Variants in MAMDC4 observed in about 807,000 individuals in gnomAD.
MAMDC4 encodes the protein MAM domain containing 4.
In MAMDC4, 168 loss-of-function variants were observed where a neutral mutation model predicts 153.3. The ratio of observed to expected loss-of-function variants is 1.10; its 90% CI spans 0.97 to 1.25. MAMDC4 has a LOEUF of 1.25. MAMDC4 is among the 50% of genes most tolerant of loss of function. The pLI is 0.00. For synonymous variants in MAMDC4, 744 were observed against 651.5 expected, an observed-to-expected ratio of 1.14 and a Z score of -2.16; for missense variants, 1,701 against 1,542.8, an observed-to-expected ratio of 1.10 and a Z score of -1.72.
At chr9:136,859,783 C>A in intron 25 of MAMDC4, 103 bp from the exon 26 acceptor site, 3 of 1,265,626 alleles carry the variant, frequency 2.4e-6, no homozygotes, top group South Asian at 1.3e-5. Context: ...GGGTGAACCC[C>A]AGGAGCCAGC....
At chr9:136,857,138 A>G (rs752612075) in intron 16 of MAMDC4, 27 bp from the exon 17 acceptor site, 2 of 1,609,438 alleles carry the variant, frequency 1.2e-6, no homozygotes, top group Admixed American at 1.7e-5. Context: ...GAGAGAGGTC[A>G]GTTATGGACT....
chr9:136,860,504 A>T, intron 26 of MAMDC4, 58 bp from the exon 27 acceptor site: 5 of 1,554,986 alleles, frequency 3.2e-6, no homozygotes, highest in Non-Finnish European at 4.3e-6. Context: ...CTGGTTGACA[A>T]GAGCGAAACT....
chr9:136,855,985 G>A (rs1053347796), intron 13 of MAMDC4, 33 bp from the exon 14 acceptor site: 1 of 1,593,634 alleles, frequency 6.3e-7, no homozygotes, highest in Non-Finnish European at 8.6e-7. Context: ...CCCTGGAAGG[G>A]ATGAGGCTCT....
chr9:136,855,021 G>T lies in MAMDC4; in HGVS notation c.1108G>T (p.Ala370Ser). ...LQTLGPGAPR[A>S]PVLLRRRRGE... ...GACTCTGGGGCCCGGCGCCCCCCGGGCCCCCGTCCTGCTGCGGAGGCGCCG... is the reference window on the plus strand; with the variant it reads ...GACTCTGGGGCCCGGCGCCCCCCGGTCCCCCGTCCTGCTGCGGAGGCGCCG... Residue 370 changes from alanine (A) to serine (S), a missense_variant, in exon 10 of 27, where the codon GCC becomes TCC. Transcript: ENST00000317446. 6.3e-7 allele frequency: 1 copy of T among 1,598,248 alleles called. No homozygotes were observed. Among genetic ancestry groups the T allele is most frequent in the South Asian group, 1.1e-5 (1 of 89,522 alleles).
At chr9:136,855,388 C>T (rs1352694467) in intron 11 of MAMDC4, 43 bp from the exon 12 acceptor site, 3 of 1,600,140 alleles carry the variant, frequency 1.9e-6, no homozygotes, top group Non-Finnish European at 1.7e-6. Context: ...AGAGGCACAG[C>T]ACTCCCCATC....
chr9:136,855,950 G>C, intron 13 of MAMDC4, 68 bp from the exon 14 acceptor site: 1 of 1,557,296 alleles, frequency 6.4e-7, no homozygotes. Flanking sequence ...CTCTGGACTG[G>C]GGATCCCTGA....
In MAMDC4 at chr9:136,857,475, T is replaced by G; in HGVS notation, c.2215T>G (p.Ser739Ala). 6.2e-7 allele frequency: 1 copy of G among 1,609,340 alleles called. No homozygotes were observed. Among genetic ancestry groups the G allele is most frequent in the Non-Finnish European group, 8.5e-7 (1 of 1,179,928 alleles). Residue 739 changes from serine to alanine, a missense_variant, in exon 18 of 27, where the codon TCA becomes GCA. Transcript: ENST00000317446. ...CCCTAATTACTGCTCCTTTGAGGAC[T>G]CAGACTGCGGCTTCTCCCCTGGAGG... ...WAPNYCSFED[S>A]DCGFSPGGQG...
At position 136,857,401 on chromosome 9, in the gene MAMDC4, G is replaced by C. The variant is rs1376865024; in HGVS notation, c.2141G>C (p.Gly714Ala). The C allele has an allele frequency of 6.2e-7, 1 of 1,608,054 alleles. No individual in the cohort carries two copies. Residue 714 changes from glycine to alanine, a missense_variant, in exon 18 of 27, where the codon GGC becomes GCC. By Grantham distance (60) the Gly-to-Ala change is moderately conservative. Coordinates refer to ENST00000317446, the MANE Select transcript of MAMDC4 (RefSeq NM_206920.3). ...LFEGLRDGYHGTMALDDVAVR... is the reference protein window; with the variant it reads ...LFEGLRDGYHATMALDDVAVR... ...GAGGGCCTCCGGGACGGATACCACG[G>C]CACCATGGCGCTGGACGATGTGGCC... is the stretch of plus-strand genomic sequence containing the variant.
chr9:136,858,928 C>A, intron 23 of MAMDC4, 75 bp downstream of exon 23: 1 of 1,533,510 alleles, frequency 6.5e-7, no homozygotes. Flanking sequence ...GGGGAGGTGG[C>A]CTCCCCAGCC....
chr9:136,854,719 C>G (rs1487344499), intron 8 of MAMDC4, 43 bp downstream of exon 8: 9 of 1,612,366 alleles, frequency 5.6e-6, no homozygotes, highest in Middle Eastern at 1.7e-4. Context: ...GCCCACGCAG[C>G]CACAGCCCAG....
At position 136,857,425 on chromosome 9, in the gene MAMDC4, C is replaced by G; in HGVS notation, c.2165C>G (p.Ala722Gly). ...GGCACCATGGCGCTGGACGATGTGG[C>G]CGTGCGGCCGGGCCCCTGCTGGGCC... ...YHGTMALDDV[A>G]VRPGPCWAPN... The change falls in exon 18 of 27, where the codon GCC becomes GGC. Residue 722 changes from alanine (A) to glycine (G), a missense_variant. Physicochemically the swap from Ala to Gly is moderately conservative, Grantham distance 60 (BLOSUM62 0). Coordinates refer to ENST00000317446, the MANE Select transcript of MAMDC4 (RefSeq NM_206920.3). 1 of 1,608,270 alleles carries G rather than the reference C, an allele frequency of 6.2e-7. No homozygotes were observed. Among genetic ancestry groups the G allele is most frequent in the Non-Finnish European group, 8.5e-7 (1 of 1,179,914 alleles).
At position 136,858,067 on chromosome 9, in the gene MAMDC4, C is replaced by T; in HGVS notation, c.2553C>T (p.Ser851=). 1 of 1,530,730 alleles carries T rather than the reference C, an allele frequency of 6.5e-7. No individual in the cohort carries two copies. Among genetic ancestry groups the T allele is most frequent in the Non-Finnish European group, 8.8e-7 (1 of 1,140,596 alleles). The allele number at this position is 1,530,730 out of a possible 1,614,324, so 94.8% of individuals were successfully genotyped here. Reference sequence around the variant, plus strand: ...GCGGGCTTGCCTGGCGCCTGGGCAGCATGGACGTGCAGGCCGAGCGAGCCT... The same window carrying T: ...GCGGGCTTGCCTGGCGCCTGGGCAGTATGGACGTGCAGGCCGAGCGAGCCT... ...AHGGLAWRLG[S]MDVQAERAWR... The change falls in exon 20 of 27, where the codon AGC becomes AGT. Residue 851 remains serine, a synonymous_variant. Transcript: ENST00000317446.
Position 136,859,967 on chromosome 9 carries a change from T to C in MAMDC4, c.3275T>C (p.Leu1092Pro), listed in dbSNP as rs1455562000. 6.2e-7 allele frequency: 1 copy of C among 1,613,064 alleles called. No individual in the cohort carries two copies. The highest frequency in any genetic ancestry group is 1.7e-5 in the Admixed American group (1 of 59,996). Reference sequence around the variant, plus strand: ...CTCATGCTCCTGGTGCTGCTGGGACTTGGGGGACGGCGCTGGCTGCAGAAG... The same window carrying C: ...CTCATGCTCCTGGTGCTGCTGGGACCTGGGGGACGGCGCTGGCTGCAGAAG... The part of the protein sequence containing the change: ...LLLMLLVLLG[L>P]GGRRWLQKKG... Residue 1092 changes from leucine to proline, a missense_variant, in exon 26 of 27, where the codon CTT becomes CCT. Physicochemically the swap from Leu to Pro is moderately conservative, Grantham distance 98. Transcript: ENST00000317446.
In MAMDC4 at chr9:136,857,041, G is replaced by A. The variant is rs751601114; in HGVS notation, c.1972G>A (p.Gly658Arg). ...GTACCACCTCCATGGGCCCCAGATT[G>A]GTGAGTGGACCTGGAAACAGGGCAG... is the stretch of plus-strand genomic sequence containing the variant. ...FWYHLHGPQI[G>R]TLRLAMRREG... The change falls in exon 16 of 27, where the codon GGG becomes AGG. Residue 658 changes from glycine (G) to arginine (R), a missense_variant and splice_region_variant. Gly to Arg is a moderately radical substitution (Grantham distance 125). Coordinates refer to ENST00000317446, the MANE Select transcript of MAMDC4 (RefSeq NM_206920.3). The A allele has an allele frequency of 6.2e-7, 1 of 1,610,404 alleles. No homozygotes were observed. Among genetic ancestry groups the A allele is most frequent in the Non-Finnish European group, 8.5e-7 (1 of 1,178,462 alleles).
intron 9 of MAMDC4, 31 bp from the exon 10 acceptor site, chr9:136,854,906 G>C (rs1848980925): frequency 1.9e-6 from 3 of 1,612,548 alleles, no homozygotes; most frequent in Non-Finnish European, 2.5e-6. Context: ...CTGCCCCGGT[G>C]CAGGCCCCCA....
At position 136,854,296 on chromosome 9, in the gene MAMDC4, C is replaced by T. The variant is rs117376465; in HGVS notation, c.756C>T (p.Asp252=). 7.4e-4 allele frequency: 1,179 copies of T among 1,600,988 alleles called. 1 individual carries two copies. The highest frequency in any genetic ancestry group is 9.2e-4 in the Non-Finnish European group (1,080 of 1,174,424). Reference sequence around the variant, plus strand: ...CCCAGCAGCTGTGCGACGGGGAAGACAACTGCGGGGACCTGTCTGATGAGA... The same window carrying T: ...CCCAGCAGCTGTGCGACGGGGAAGATAACTGCGGGGACCTGTCTGATGAGA... ...VEPQQLCDGE[D]NCGDLSDENP... The change falls in exon 7 of 27, where the codon GAC becomes GAT. Residue 252 remains aspartate, a synonymous_variant. Coordinates refer to ENST00000317446, the MANE Select transcript of MAMDC4 (RefSeq NM_206920.3).
chr9:136,855,504 G>A lies in MAMDC4; in HGVS notation c.1356G>A (p.Arg452=), dbSNP rs769132240. ...CCCAGCCCCTGCCGCCCAGCTCGCG[G>A]CTCCAGGATTCCTGCAAGCAGGGGC... ...PAPQPLPPSS[R]LQDSCKQGHL... is the part of the protein sequence containing the mutation. The change falls in exon 12 of 27, where the codon CGG becomes CGA. Residue 452 remains arginine, a synonymous_variant. Coordinates refer to ENST00000317446, the MANE Select transcript of MAMDC4 (RefSeq NM_206920.3). 1.5e-5 allele frequency: 24 copies of A among 1,595,934 alleles called. No individual in the cohort carries two copies. Among genetic ancestry groups the A allele is most frequent in the Non-Finnish European group, 1.9e-5 (22 of 1,171,744 alleles).
Position 136,857,404 on chromosome 9 carries a change from C to T in MAMDC4, c.2144C>T (p.Thr715Ile), listed in dbSNP as rs764605886. ...GGCCTCCGGGACGGATACCACGGCA[C>T]CATGGCGCTGGACGATGTGGCCGTG... ...FEGLRDGYHGTMALDDVAVRP... is the reference protein window; with the variant it reads ...FEGLRDGYHGIMALDDVAVRP... The change falls in exon 18 of 27, where the codon ACC becomes ATC. Residue 715 changes from threonine to isoleucine, a missense_variant. Transcript: ENST00000317446. 1 of 1,608,268 alleles carries T rather than the reference C, an allele frequency of 6.2e-7. No individual in the cohort carries two copies. Among genetic ancestry groups the T allele is most frequent in the Non-Finnish European group, 8.5e-7 (1 of 1,179,906 alleles).
chr9:136,857,469 G>A lies in MAMDC4; in HGVS notation c.2209G>A (p.Glu737Lys), dbSNP rs1264106979. 1 of 1,609,114 alleles carries A rather than the reference G, an allele frequency of 6.2e-7. No homozygotes were observed. The highest frequency in any genetic ancestry group is 8.5e-7 in the Non-Finnish European group (1 of 1,179,930). The change falls in exon 18 of 27, where the codon GAG becomes AAG. Residue 737 changes from glutamate to lysine, a missense_variant. Physicochemically the swap from Glu to Lys is moderately conservative, Grantham distance 56. Coordinates refer to ENST00000317446, the MANE Select transcript of MAMDC4 (RefSeq NM_206920.3). ...PCWAPNYCSF[E>K]DSDCGFSPGG... ...CTGGGCCCCTAATTACTGCTCCTTT[G>A]AGGACTCAGACTGCGGCTTCTCCCC...
Sources: gnomAD v4.1 joint callset for allele counts on GRCh38, gnomAD v4.1.1 for gene constraint, MANE v1.5 for transcripts, NCBI Gene and HGNC (gene_info 2026-07-23, HGNC 2026-07-21) for gene names.